IP6K3: variants seen among roughly 807,000 people sequenced by gnomAD.
IP6K3 encodes inositol hexakisphosphate kinase 3.
Under a neutral mutation model 28.8 loss-of-function variants are expected in IP6K3, and 20 were observed. The observed-to-expected ratio is 0.70, with a 90% CI of 0.49 to 1.01. The LOEUF is 1.01. Among genes scored for constraint, IP6K3 ranks in the 50% least tolerant of loss-of-function variants. The probability of loss-of-function intolerance (pLI) is 0.00; values close to 1 mark genes in which losing one functional copy is unlikely to be tolerated. For missense variants in IP6K3, 480 were observed against 537.1 expected (o/e 0.89, Z 1.05); for synonymous variants, 213 against 221.3 (o/e 0.96, Z 0.33).
At chr6:33,755,692 C>A in the IP6K3 span, among the ~76,000 whole-genome samples, 4 of 152,340 alleles carry the variant, frequency 2.6e-5, no homozygotes, top group South Asian at 2.1e-4. Context: ...GGGTCCCCCC[C>A]GCTGTGAGGC....
chr6:33,747,222 G>A (rs1399600883), upstream of IP6K3, among the ~76,000 whole-genome samples: 1 of 152,146 alleles, frequency 6.6e-6, no homozygotes, highest in Non-Finnish European at 1.5e-5. The surrounding 1 kb of genome is among the most constrained non-coding windows in gnomAD (Gnocchi z 5.2). Context: ...GGTGAGTCTC[G>A]GGTTGGGGGG....
At chr6:33,752,666 A>C in the IP6K3 span, among the ~76,000 whole-genome samples, 1 of 152,148 alleles carries the variant, frequency 6.6e-6, no homozygotes, top group African/African-American at 2.4e-5. Flanking sequence ...GCCAGAACTA[A>C]ACCCCAGTCT....
At chr6:33,757,261 C>T in the IP6K3 span, among the ~76,000 whole-genome samples, 1 of 152,232 alleles carries the variant, frequency 6.6e-6, no homozygotes, top group African/African-American at 2.4e-5. Context: ...CTCCCTCCAT[C>T]CACCTCTCTC....
chr6:33,747,745 G>T (rs943673196), upstream of IP6K3, among the ~76,000 whole-genome samples: 2 of 152,082 alleles, frequency 1.3e-5, no homozygotes, highest in Non-Finnish European at 2.9e-5. This position sits in a 1 kb window ranked among gnomAD's most constrained non-coding sequence, Gnocchi z 5.2. Flanking sequence ...GGACGAGGTG[G>T]CCTCACCAGC....
upstream of IP6K3, among the ~76,000 whole-genome samples, chr6:33,749,337 A>T (rs1766989833): frequency 6.6e-6 from 1 of 152,106 alleles, no homozygotes; most frequent in African/African-American, 2.4e-5. Flanking sequence ...GATCTGAGAC[A>T]TACAGCAGTA....
intron 2 of IP6K3, among the ~76,000 whole-genome samples, chr6:33,734,031 C>T (rs914888343): frequency 3.3e-5 from 5 of 152,034 alleles, no homozygotes; most frequent in Admixed American, 2.0e-4. Context: ...GGAGAAACCC[C>T]GTCTCTACTA....
chr6:33,751,338 C>T (rs766870404), upstream of IP6K3, among the ~76,000 whole-genome samples: 6 of 151,988 alleles, frequency 3.9e-5, no homozygotes, highest in Non-Finnish European at 5.9e-5. This position sits in a 1 kb window ranked among gnomAD's most constrained non-coding sequence, Gnocchi z 4.3. Context: ...CCACTACAGC[C>T]GGGAATGTGG....
At chr6:33,737,595 C>T (rs1766574441) in intron 1 of IP6K3, among the ~76,000 whole-genome samples, 2 of 152,234 alleles carry the variant, frequency 1.3e-5, no homozygotes, top group Admixed American at 6.5e-5. Flanking sequence ...CCAGCTCACT[C>T]GGGCATTGAA....
At chr6:33,724,027 C>T (rs994793657) in intron 5 of IP6K3, among the ~76,000 whole-genome samples, 1 of 152,222 alleles carries the variant, frequency 6.6e-6, no homozygotes, top group African/African-American at 2.4e-5. Flanking sequence ...CCTGGCATAC[C>T]TAGAAGGGGC....
chr6:33,738,266 C>T (rs1766598175), intron 1 of IP6K3, among the ~76,000 whole-genome samples: 1 of 152,082 alleles, frequency 6.6e-6, no homozygotes, highest in African/African-American at 2.4e-5. Context: ...ATCCCCAGGG[C>T]TGGCCCCACA....
At chr6:33,749,342 GCAGTAAA>G (rs550378366), upstream of IP6K3, among the ~76,000 whole-genome samples, 16 of 152,184 alleles carry the variant, frequency 1.1e-4, no homozygotes, top group South Asian at 3.3e-3. Context: ...GAGACATACA[GCAGTAAA>G]CACACACAGG....
the IP6K3 span, among the ~76,000 whole-genome samples, chr6:33,760,248 G>A: frequency 6.6e-6 from 1 of 152,352 alleles, no homozygotes; most frequent in Middle Eastern, 3.4e-3. Flanking sequence ...GAGGTGTTAG[G>A]AGTGCTCAGT....
the IP6K3 span, among the ~76,000 whole-genome samples, chr6:33,752,325 T>C: frequency 9.9e-5 from 15 of 152,210 alleles, no homozygotes; most frequent in Non-Finnish European, 1.6e-4. Flanking sequence ...TGGAGAACTT[T>C]GCTGCCTTCT....
chr6:33,725,474 T>C lies in IP6K3; in HGVS notation c.732A>G (p.Ser244=), dbSNP rs777298732. 6.2e-6 allele frequency: 10 copies of C among 1,613,104 alleles called. No individual in the cohort carries two copies. Among genetic ancestry groups the C allele is most frequent in the Non-Finnish European group, 7.6e-6 (9 of 1,179,978 alleles). ...CGCAGATGCGCACACCCAGGCAGGC[T>C]GAGGTGCTCTGCGCACACTTCCTCA... is the stretch of plus-strand genomic sequence containing the variant. The part of the protein sequence containing the change: ...RHMRKCAQST[S]ACLGVRICGM... Residue 244 remains serine (S), a synonymous_variant, in exon 5 of 6, where the codon TCA becomes TCG. Transcript: ENST00000293756.
the IP6K3 span, among the ~76,000 whole-genome samples, chr6:33,758,864 G>C: frequency 6.6e-6 from 1 of 152,174 alleles, no homozygotes; most frequent in Admixed American, 6.5e-5. Context: ...CTCCCAAAGT[G>C]CTGGGATTAC....
chr6:33,743,581 CA>C (rs1766803848), intron 1 of IP6K3, among the ~76,000 whole-genome samples: 1 of 152,176 alleles, frequency 6.6e-6, no homozygotes, highest in South Asian at 2.1e-4. Flanking sequence ...GCTTATTTTC[CA>C]GGGGGAAAAA....
chr6:33,733,461 A>C lies in IP6K3; in HGVS notation c.199+1817T>G, dbSNP rs888964383. Among the ~76,000 whole-genome samples, 244 of 152,368 alleles carry C rather than the reference A, an allele frequency of 1.6e-3. 1 individual carries two copies. Among genetic ancestry groups the C allele is most frequent in the African/African-American group, 5.1e-3 (211 of 41,592 alleles). ...AGGACAGCCTCCTGAAGGCCAGGCC[A>C]GCCTCTCTGCCTCTCCCACTTAGCC... On this transcript the variant is annotated intron_variant, in intron 2 of 5. Transcript: ENST00000293756.
Position 33,722,710 on chromosome 6 carries a change from C to A in IP6K3, c.*10G>T. ...ATAGCCCAGAAGAATCCAGATAAGC[C>A]CAGGAAGTTTCATTCTCCCTCTTGG... On this transcript the variant is annotated 3_prime_UTR_variant, in exon 6 of 6. Coordinates refer to ENST00000293756, the MANE Select transcript of IP6K3 (RefSeq NM_054111.5). The A allele has an allele frequency of 6.4e-7, 1 of 1,573,118 alleles. No individual in the cohort carries two copies.
At position 33,735,467 on chromosome 6, in the gene IP6K3, G is replaced by A; in HGVS notation, c.10C>T (p.Gln4Ter). 1 of 1,609,350 alleles carries A rather than the reference G, an allele frequency of 6.2e-7. No homozygotes were observed. MVV[Q>*]NSADAGDMRA... ...ATGTCCCCGGCGTCTGCGCTGTTTT[G>A]CACAACCATGGCGGCAGATGGTGGT... The change falls in exon 2 of 6, where the codon CAA becomes TAA. Residue 4 changes from glutamine (Q) to a stop codon, truncating the protein, a stop_gained. Coordinates refer to ENST00000293756, the MANE Select transcript of IP6K3 (RefSeq NM_054111.5). LOFTEE classifies it high-confidence loss of function.
Sources: gnomAD v4.1 joint callset for allele counts (sites outside exome capture counted in the v4.1 genomes callset) on GRCh38, gnomAD v4.1.1 for gene constraint, Gnocchi (gnomAD v3.1) non-coding constraint, MANE v1.5 for transcripts, NCBI Gene and HGNC (gene_info 2026-07-23, HGNC 2026-07-21) for gene names.